Variants in COQ3 observed in about 807,000 individuals in gnomAD.
COQ3 encodes the protein ubiquinone biosynthesis O-methyltransferase, mitochondrial.
COQ3 carries 29 observed loss-of-function variants against 33.1 expected under a neutral mutation model. The ratio of observed to expected loss-of-function variants is 0.88; its 90% CI spans 0.65 to 1.19. The LOEUF (loss-of-function observed/expected upper bound fraction) is 1.19, where lower values mean the gene tolerates loss of function less well. Among genes scored for constraint, COQ3 ranks in the 50% most tolerant of loss-of-function variants. The pLI is 0.00. For synonymous variants in COQ3, 173 were observed against 157.8 expected, an observed-to-expected ratio of 1.10 and a Z score of -0.72; for missense variants, 437 against 430.7, an observed-to-expected ratio of 1.01 and a Z score of -0.13.
chr6:99,376,617 A>G (rs1290620548), intron 4 of COQ3, among the ~76,000 whole-genome samples: 1 of 152,228 alleles, frequency 6.6e-6, no homozygotes, highest in Non-Finnish European at 1.5e-5. Flanking sequence ...ATGATTTTTC[A>G]TAGCTAATTC....
intron 1 of COQ3, among the ~76,000 whole-genome samples, chr6:99,390,386 T>G (rs1247310324): frequency 2.0e-5 from 3 of 148,702 alleles, no homozygotes; most frequent in Non-Finnish European, 3.0e-5. Flanking sequence ...CAGGCTGGAG[T>G]GCAGTGGCGA....
intron 2 of COQ3, 33 bp downstream of exon 2, chr6:99,383,665 C>T (rs752892027): frequency 2.7e-5 from 41 of 1,497,572 alleles, no homozygotes; most frequent in East Asian, 1.4e-4. Context: ...CATATAATTA[C>T]GTGAATATTT....
At position 99,369,582 on chromosome 6, in the gene COQ3, A is replaced by C; in HGVS notation, c.*18T>G. On this transcript the variant is annotated 3_prime_UTR_variant, in exon 7 of 7. Transcript: ENST00000254759. Reference sequence around the variant, plus strand: ...CATCAGATATCCAAGCCATATTACTATAGTTCTCAGAAACAATTCATTTCT... The same window carrying C: ...CATCAGATATCCAAGCCATATTACTCTAGTTCTCAGAAACAATTCATTTCT... 1 of 1,555,782 alleles carries C rather than the reference A, an allele frequency of 6.4e-7. No homozygotes were observed. Among genetic ancestry groups the C allele is most frequent in the Non-Finnish European group, 8.9e-7 (1 of 1,127,590 alleles).
chr6:99,392,676 A>G (rs937947069), intron 1 of COQ3, among the ~76,000 whole-genome samples: 7 of 148,544 alleles, frequency 4.7e-5, no homozygotes, highest in African/African-American at 1.5e-4. Context: ...CTCAGGCTGG[A>G]GTGCAATGGT....
chr6:99,371,739 A>T, intron 5 of COQ3, 152 bp from the exon 6 acceptor site: 1 of 604,234 alleles, frequency 1.7e-6, no homozygotes, highest in Non-Finnish European at 2.8e-6. Context: ...TCACCAAAAT[A>T]GCATTTTTTT....
At chr6:99,388,874 A>C (rs1774734673) in intron 1 of COQ3, among the ~76,000 whole-genome samples, 1 of 143,820 alleles carries the variant, frequency 7.0e-6, no homozygotes, top group Non-Finnish European at 1.5e-5. Context: ...AAATAAATAA[A>C]ACACTAATGT....
intron 1 of COQ3, among the ~76,000 whole-genome samples, chr6:99,384,535 T>A (rs931288819): frequency 1.1e-4 from 16 of 152,206 alleles, no homozygotes; most frequent in Admixed American, 8.5e-4. Context: ...CAATTCCATA[T>A]TAGCTACATG....
At chr6:99,378,198 T>C (rs567697398) in intron 3 of COQ3, among the ~76,000 whole-genome samples, 4 of 142,950 alleles carry the variant, frequency 2.8e-5, no homozygotes, top group Non-Finnish European at 6.2e-5. Flanking sequence ...GTATAAATTT[T>C]AATTATACTT....
At chr6:99,391,524 T>C (rs1315935845) in intron 1 of COQ3, among the ~76,000 whole-genome samples, 1 of 152,238 alleles carries the variant, frequency 6.6e-6, no homozygotes, top group African/African-American at 2.4e-5. Flanking sequence ...AGTTTAACTA[T>C]GTAAACCATG....
intron 2 of COQ3, 28 bp from the exon 3 acceptor site, chr6:99,380,369 A>G (rs761480052): frequency 2.5e-6 from 4 of 1,609,584 alleles, no homozygotes; most frequent in Non-Finnish European, 3.4e-6. Flanking sequence ...AGAACCAAGC[A>G]AATACTGCTG....
At chr6:99,385,328 C>A (rs1206202598) in intron 1 of COQ3, among the ~76,000 whole-genome samples, 1 of 152,090 alleles carries the variant, frequency 6.6e-6, no homozygotes. Flanking sequence ...TGAAACACTT[C>A]CCCCAAACAA....
At chr6:99,377,717 G>A (rs1041517272) in intron 3 of COQ3, among the ~76,000 whole-genome samples, 3 of 151,886 alleles carry the variant, frequency 2.0e-5, no homozygotes, top group African/African-American at 7.3e-5. Flanking sequence ...CTTAATTATT[G>A]TTTTAGTAAT....
In COQ3 at chr6:99,387,049, C is replaced by G. The variant is rs139869363; in HGVS notation, c.107-3225G>C. ...ATATTACCACAATATAATTCAGCAA[C>G]ATACAAATAGAAGAATACAGCACAA... is the stretch of plus-strand genomic sequence containing the variant. On this transcript the variant is annotated intron_variant, in intron 1 of 6. Transcript: ENST00000254759. Among the ~76,000 whole-genome samples the G allele has an allele frequency of 2.8e-3, 423 of 152,244 alleles. 2 individuals are homozygous for G. Among genetic ancestry groups the G allele is most frequent in the African/African-American group, 9.6e-3 (399 of 41,544 alleles).
intron 3 of COQ3, among the ~76,000 whole-genome samples, chr6:99,377,736 G>GA: frequency 6.6e-6 from 1 of 151,832 alleles, no homozygotes; most frequent in South Asian, 2.1e-4. Context: ...ATAATATAAA[G>GA]AAAAAATTTC....
intron 1 of COQ3, among the ~76,000 whole-genome samples, chr6:99,393,829 A>G (rs1774894695): frequency 6.6e-6 from 1 of 152,224 alleles, no homozygotes; most frequent in Admixed American, 6.5e-5. Flanking sequence ...GCTCAGCCAC[A>G]AGAGACCCGC....
intron 2 of COQ3, among the ~76,000 whole-genome samples, chr6:99,381,925 CAAAA>C (rs57680059): frequency 3.3e-5 from 4 of 121,706 alleles, no homozygotes; most frequent in Non-Finnish European, 1.8e-5. Flanking sequence ...GACTCTGTCT[CAAAA>C]AAAAAAAAAA....
chr6:99,369,452 C>G lies in COQ3; in HGVS notation c.*148G>C. ...GAATCCCTTGAAAGTAGCTATTAGA[C>G]GAAATAACAAAAACTTTTGTCCAAG... is the stretch of plus-strand genomic sequence containing the variant. On this transcript the variant is annotated 3_prime_UTR_variant, in exon 7 of 7. Transcript: ENST00000254759. 1.6e-6 allele frequency: 1 copy of G among 627,332 alleles called. No homozygotes were observed. Among genetic ancestry groups the G allele is most frequent in the Non-Finnish European group, 2.7e-6 (1 of 365,890 alleles). The allele number at this position is 627,332 out of a possible 1,614,324, so 38.9% of individuals were successfully genotyped here. A position where few individuals can be genotyped will look rare whatever the true frequency, so the allele number is the denominator to read the frequency against.
chr6:99,388,914 CACACACACACACACACACA>C (rs1310052868), intron 1 of COQ3, among the ~76,000 whole-genome samples: 421 of 150,152 alleles, frequency 2.8e-3, no homozygotes, highest in Non-Finnish European at 3.4e-3. Context: ...CACACACACA[CACACACACACACACACACA>C]CCCACATCCT....
chr6:99,393,226 T>C (rs1369183104), intron 1 of COQ3, among the ~76,000 whole-genome samples: 1 of 151,648 alleles, frequency 6.6e-6, no homozygotes, highest in East Asian at 1.9e-4. Flanking sequence ...CAGGAAACAA[T>C]GAAACTTTAC....
Sources: gnomAD v4.1 joint callset for allele counts (sites outside exome capture counted in the v4.1 genomes callset) on GRCh38, gnomAD v4.1.1 for gene constraint, MANE v1.5 for transcripts, NCBI Gene and HGNC (gene_info 2026-07-23, HGNC 2026-07-21) for gene names.